CADPS2: variants seen among roughly 807,000 people sequenced by gnomAD.
The protein encoded by CADPS2 is calcium-dependent secretion activator 2.
CADPS2 carries 93 observed loss-of-function variants against 172.5 expected under a neutral mutation model. The observed-to-expected ratio is 0.54, with a 90% CI of 0.46 to 0.64. The LOEUF is 0.64. Among genes scored for constraint, CADPS2 ranks in the 30% least tolerant of loss-of-function variants. The pLI is 0.00. For missense variants in CADPS2, 1,420 were observed against 1,565.9 expected (o/e 0.91, Z 1.57); for synonymous variants, 546 against 555.2 (o/e 0.98, Z 0.23).
intron 11 of CADPS2, among the ~76,000 whole-genome samples, chr7:122,487,828 A>G (rs1466215036): frequency 2.6e-5 from 4 of 152,220 alleles, no homozygotes; most frequent in South Asian, 4.1e-4. Context: ...ACCAGGTAAC[A>G]TAAGACAGAA....
At chr7:122,421,944 T>C (rs964779434) in intron 17 of CADPS2, 3 of 152,246 alleles carry the variant, frequency 2.0e-5, no homozygotes, top group African/African-American at 7.2e-5. Context: ...CTTTCACCTC[T>C]TCCCCCTCCC....
At chr7:122,529,119 A>C (rs1306489783) in intron 8 of CADPS2, among the ~76,000 whole-genome samples, 1 of 152,126 alleles carries the variant, frequency 6.6e-6, no homozygotes, top group Non-Finnish European at 1.5e-5. Context: ...TGCCATGTCC[A>C]AAGGTACTTG....
At chr7:122,788,420 T>C (rs1283215827) in intron 1 of CADPS2, among the ~76,000 whole-genome samples, 1 of 152,308 alleles carries the variant, frequency 6.6e-6, no homozygotes, top group Admixed American at 6.5e-5. Context: ...ACTTTGTAGT[T>C]TGCAAGCAAA....
intron 17 of CADPS2, among the ~76,000 whole-genome samples, chr7:122,422,252 A>T (rs2048608281): frequency 6.6e-6 from 1 of 152,186 alleles, no homozygotes; most frequent in South Asian, 2.1e-4. Flanking sequence ...CTCTGAAGTG[A>T]GGCCCAAACA....
At chr7:122,504,895 A>C (rs2130585565) in intron 9 of CADPS2, among the ~76,000 whole-genome samples, 1 of 152,302 alleles carries the variant, frequency 6.6e-6, no homozygotes, top group East Asian at 1.9e-4. Context: ...CAAAGAAAGA[A>C]CACAGTGGCT....
intron 2 of CADPS2, among the ~76,000 whole-genome samples, chr7:122,670,508 T>A (rs1378889324): frequency 6.6e-6 from 1 of 151,880 alleles, no homozygotes; most frequent in East Asian, 1.9e-4. Flanking sequence ...GAGTTCTTTT[T>A]TTTTTTTGAG....
At chr7:122,520,660 C>G (rs2060718607) in intron 8 of CADPS2, among the ~76,000 whole-genome samples, 1 of 151,922 alleles carries the variant, frequency 6.6e-6, no homozygotes, top group South Asian at 2.1e-4. Context: ...ACTCGCTTAC[C>G]CAAACACTTT....
chr7:122,603,732 T>A (rs912369386), intron 6 of CADPS2, among the ~76,000 whole-genome samples: 1 of 152,150 alleles, frequency 6.6e-6, no homozygotes, highest in Non-Finnish European at 1.5e-5. Context: ...CCATTTGTAC[T>A]GATAAATACC....
intron 2 of CADPS2, among the ~76,000 whole-genome samples, chr7:122,727,795 T>C (rs538463054): frequency 6.6e-6 from 1 of 152,002 alleles, no homozygotes; most frequent in Non-Finnish European, 1.5e-5. Flanking sequence ...TGAAAACACA[T>C]TGTGCAAATT....
intron 1 of CADPS2, among the ~76,000 whole-genome samples, chr7:122,802,097 CTATT>C (rs1182812620): frequency 6.6e-6 from 1 of 151,918 alleles, no homozygotes; most frequent in Non-Finnish European, 1.5e-5. Flanking sequence ...TGTATAAAAT[CTATT>C]TATAAAAGCA....
chr7:122,418,668 A>G (rs1362799993), intron 17 of CADPS2, among the ~76,000 whole-genome samples: 1 of 152,124 alleles, frequency 6.6e-6, no homozygotes, highest in East Asian at 1.9e-4. Context: ...AGACACTCCA[A>G]AGGCAGAATT....
intron 28 of CADPS2, among the ~76,000 whole-genome samples, chr7:122,333,289 A>C: frequency 6.6e-6 from 1 of 152,218 alleles, no homozygotes; most frequent in East Asian, 1.9e-4. Flanking sequence ...AAATGGTACA[A>C]CTTAGTCTTG....
At chr7:122,789,227 C>G (rs1165531166) in intron 1 of CADPS2, among the ~76,000 whole-genome samples, 1 of 152,050 alleles carries the variant, frequency 6.6e-6, no homozygotes, top group Non-Finnish European at 1.5e-5. Context: ...TGCAGAATGC[C>G]AACTACAGCA....
chr7:122,698,811 A>C (rs1402459869), intron 2 of CADPS2: 3 of 1,613,910 alleles, frequency 1.9e-6, no homozygotes, highest in Non-Finnish European at 2.5e-6. Flanking sequence ...CCATCCAAAC[A>C]ACACTTGCTC....
At chr7:122,647,262 C>A (rs1328379289) in intron 3 of CADPS2, among the ~76,000 whole-genome samples, 1 of 151,922 alleles carries the variant, frequency 6.6e-6, no homozygotes, top group African/African-American at 2.4e-5. Flanking sequence ...CCAATATGTT[C>A]TAAATTCTCA....
chr7:122,536,594 G>A (rs966867506), intron 8 of CADPS2, among the ~76,000 whole-genome samples: 8 of 152,010 alleles, frequency 5.3e-5, no homozygotes, highest in Admixed American at 1.3e-4. Context: ...ACAAACAGGC[G>A]AGAGACCATT....
At chr7:122,381,183 G>C (rs760523473) in intron 24 of CADPS2, among the ~76,000 whole-genome samples, 1 of 152,122 alleles carries the variant, frequency 6.6e-6, no homozygotes, top group Non-Finnish European at 1.5e-5. Flanking sequence ...CTGACTGTGC[G>C]ATGGAGAAGC....
intron 23 of CADPS2, 40 bp downstream of exon 23, chr7:122,388,543 T>A (rs1341537263): frequency 6.5e-7 from 1 of 1,538,506 alleles, no homozygotes; most frequent in African/African-American, 1.4e-5. Flanking sequence ...TATTTTTGGG[T>A]GCTGGCACAT....
chr7:122,690,162 C>A (rs1476170955), intron 2 of CADPS2, among the ~76,000 whole-genome samples: 1 of 152,184 alleles, frequency 6.6e-6, no homozygotes, highest in African/African-American at 2.4e-5. Flanking sequence ...GCTGAAACAA[C>A]AAAGCAAGCA....
Sources: allele counts gnomAD v4.1 joint callset (sites outside exome capture counted in the v4.1 genomes callset), GRCh38; gene constraint gnomAD v4.1.1; transcripts MANE v1.5; gene names NCBI Gene and HGNC (gene_info 2026-07-23, HGNC 2026-07-21).